RPS6KC1: variants seen among roughly 807,000 people sequenced by gnomAD.
RPS6KC1 encodes the protein ribosomal protein S6 kinase C1.
A neutral mutation model predicts 103.8 loss-of-function variants in RPS6KC1; 54 were observed. The observed-to-expected ratio is 0.52, with a 90% CI of 0.42 to 0.65. RPS6KC1 has a LOEUF of 0.65. RPS6KC1 is among the 30% of genes least tolerant of loss of function. The pLI is 0.00. For synonymous variants in RPS6KC1, 439 were observed against 438.7 expected, an observed-to-expected ratio of 1.00 and a Z score of -0.01; for missense variants, 1,151 against 1,253.8, an observed-to-expected ratio of 0.92 and a Z score of 1.24.
At chr1:213,510,193 T>G in the RPS6KC1 span, among the ~76,000 whole-genome samples, 1 of 152,174 alleles carries the variant, frequency 6.6e-6, no homozygotes, top group African/African-American at 2.4e-5. Context: ...CTCTGTTGTC[T>G]CCTAAGCCCC....
At chr1:213,110,542 C>T (rs1175582133) in intron 4 of RPS6KC1, among the ~76,000 whole-genome samples, 1 of 152,206 alleles carries the variant, frequency 6.6e-6, no homozygotes, top group Non-Finnish European at 1.5e-5. Flanking sequence ...CCTGTGTCAG[C>T]ATAGCTTTGT....
At chr1:213,231,312 A>G (rs999827467) in intron 9 of RPS6KC1, among the ~76,000 whole-genome samples, 8 of 152,156 alleles carry the variant, frequency 5.3e-5, no homozygotes, top group African/African-American at 1.7e-4. Flanking sequence ...CTGGTCCTCT[A>G]TTTGATCTAA....
rs770797967 is a variant in RPS6KC1, at chr1:213,242,577, C to T, written c.2830C>T (p.Gln944Ter). Residue 944 changes from glutamine to a stop codon, truncating the protein, a stop_gained, in exon 12 of 15, where the codon CAG becomes TAG. Transcript: ENST00000366960. LOFTEE classifies it high-confidence loss of function. ...NILLNDRGHI[Q>*]LTYFSRWSEV... ...TGTCGTTTTGTTTTTAGGACACATT[C>T]AGCTAACGTATTTTAGCAGGTGGAG... 1 of 1,568,202 alleles carries T rather than the reference C, an allele frequency of 6.4e-7. No homozygotes were observed. The highest frequency in any genetic ancestry group is 8.7e-7 in the Non-Finnish European group (1 of 1,149,244).
chr1:213,374,850 A>T, the RPS6KC1 span, among the ~76,000 whole-genome samples: 1 of 152,288 alleles, frequency 6.6e-6, no homozygotes, highest in South Asian at 2.1e-4. Flanking sequence ...GGCCTCTGGG[A>T]GGGGGGCCTT....
At chr1:213,261,758 T>C in intron 13 of RPS6KC1, 118 bp downstream of exon 13, 1 of 824,578 alleles carries the variant, frequency 1.2e-6, no homozygotes, top group Non-Finnish European at 1.9e-6. Context: ...AAAACTTTGA[T>C]ATCGAAAGCA....
the RPS6KC1 span, among the ~76,000 whole-genome samples, chr1:213,447,044 G>T: frequency 6.6e-6 from 1 of 152,040 alleles, no homozygotes; most frequent in Non-Finnish European, 1.5e-5. Context: ...GCTTAGGTCA[G>T]TGCTGCCCAA....
At chr1:213,136,628 G>A (rs367772575) in intron 6 of RPS6KC1, among the ~76,000 whole-genome samples, 8 of 151,994 alleles carry the variant, frequency 5.3e-5, no homozygotes, top group Middle Eastern at 3.2e-3. Flanking sequence ...CTAGAGAACC[G>A]GCATGGTATC....
the RPS6KC1 span, among the ~76,000 whole-genome samples, chr1:213,475,466 T>C: frequency 6.6e-6 from 1 of 152,240 alleles, no homozygotes; most frequent in African/African-American, 2.4e-5. Flanking sequence ...TCTCTGGACC[T>C]GGGTTTTATC....
chr1:213,153,655 T>TA (rs2089525270), intron 6 of RPS6KC1, among the ~76,000 whole-genome samples: 1 of 152,234 alleles, frequency 6.6e-6, no homozygotes. Context: ...TCTGTGTACT[T>TA]ACTATTACTA....
intron 7 of RPS6KC1, among the ~76,000 whole-genome samples, chr1:213,173,748 T>C (rs1453772906): frequency 6.6e-6 from 1 of 152,238 alleles, no homozygotes; most frequent in African/African-American, 2.4e-5. Context: ...ATTTGTCTTA[T>C]CTTCTCAAAT....
the RPS6KC1 span, among the ~76,000 whole-genome samples, chr1:213,697,321 C>T: frequency 1.3e-5 from 2 of 152,202 alleles, no homozygotes; most frequent in African/African-American, 4.8e-5. Flanking sequence ...CAGTGTCGTG[C>T]ATTACTGCAC....
chr1:213,164,498 T>G (rs189824356), intron 6 of RPS6KC1, among the ~76,000 whole-genome samples: 1 of 152,236 alleles, frequency 6.6e-6, no homozygotes, highest in Non-Finnish European at 1.5e-5. Flanking sequence ...ACATCTCTTA[T>G]GATACACCAG....
chr1:213,748,895 G>C, the RPS6KC1 span, among the ~76,000 whole-genome samples: 2 of 152,174 alleles, frequency 1.3e-5, no homozygotes, highest in Non-Finnish European at 2.9e-5. Flanking sequence ...AGGAGAATCT[G>C]TTTGGATACC....
intron 8 of RPS6KC1, among the ~76,000 whole-genome samples, chr1:213,202,181 C>CTT (rs2093187906): frequency 6.6e-6 from 1 of 152,022 alleles, no homozygotes; most frequent in African/African-American, 2.4e-5. Flanking sequence ...TTATTCAGAA[C>CTT]TGAATTTCTT....
At chr1:213,134,161 A>G (rs1027006182) in intron 6 of RPS6KC1, among the ~76,000 whole-genome samples, 3 of 152,154 alleles carry the variant, frequency 2.0e-5, no homozygotes, top group African/African-American at 7.2e-5. Context: ...TAGCATGCTA[A>G]TATGACCCAT....
chr1:213,083,392 ACTT>A (rs2080084409), intron 3 of RPS6KC1, among the ~76,000 whole-genome samples: 1 of 152,130 alleles, frequency 6.6e-6, no homozygotes, highest in Non-Finnish European at 1.5e-5. Flanking sequence ...GGACCCATTG[ACTT>A]CTTTGGGGCT....
At chr1:213,309,536 A>T in the RPS6KC1 span, among the ~76,000 whole-genome samples, 33 of 152,206 alleles carry the variant, frequency 2.2e-4, no homozygotes, top group East Asian at 1.3e-3. Flanking sequence ...CTCACTTTTG[A>T]GATGAAGAAG....
At chr1:213,833,693 T>C in the RPS6KC1 span, among the ~76,000 whole-genome samples, 1 of 152,160 alleles carries the variant, frequency 6.6e-6, no homozygotes, top group Non-Finnish European at 1.5e-5. Flanking sequence ...GAGATAGGCC[T>C]GACCCCGCCA....
At chr1:213,189,366 T>C (rs2092663579) in intron 8 of RPS6KC1, among the ~76,000 whole-genome samples, 2 of 151,358 alleles carry the variant, frequency 1.3e-5, no homozygotes, top group African/African-American at 2.4e-5. Flanking sequence ...AGATAATTGC[T>C]TTAACCCAGG....
Sources: allele counts gnomAD v4.1 joint callset (sites outside exome capture counted in the v4.1 genomes callset), GRCh38; gene constraint gnomAD v4.1.1; transcripts MANE v1.5; gene names NCBI Gene and HGNC (gene_info 2026-07-23, HGNC 2026-07-21).